The following TSHZ2 variants were observed in gnomAD, a reference collection of about 807,000 sequenced individuals.
TSHZ2 encodes the protein teashirt homolog 2.
Under a neutral mutation model 74.4 loss-of-function variants are expected in TSHZ2, and 21 were observed. The observed-to-expected ratio is 0.28, with a 90% CI of 0.20 to 0.41. TSHZ2 has a LOEUF of 0.41. Among genes scored for constraint, TSHZ2 ranks in the 10% least tolerant of loss-of-function variants. The pLI, the probability that TSHZ2 is intolerant of heterozygous loss-of-function variation, is 1.00. For synonymous variants in TSHZ2, 540 were observed against 515.3 expected (o/e 1.05, Z -0.65); for missense variants, 1,244 against 1,293.5 (o/e 0.96, Z 0.59).
intron 2 of TSHZ2, among the ~76,000 whole-genome samples, chr20:53,483,107 A>AAAGAC (rs1986201035): frequency 1.3e-5 from 2 of 152,116 alleles, no homozygotes; most frequent in African/African-American, 4.8e-5. Context: ...AAGTTTTATA[A>AAAGAC]AAGACATAGT....
chr20:53,466,538 T>G (rs140361622), intron 2 of TSHZ2, among the ~76,000 whole-genome samples: 2 of 152,310 alleles, frequency 1.3e-5, no homozygotes, highest in African/African-American at 2.4e-5. Flanking sequence ...TATGGTGGTG[T>G]TTGCCAGCAT....
chr20:53,235,148 G>C (rs78940770), intron 1 of TSHZ2, among the ~76,000 whole-genome samples: 1,835 of 68,882 alleles, frequency 0.027, 64 homozygotes, highest in African/African-American at 0.095. Context: ...GGGGGGGGGG[G>C]AATGGGGGAG....
At chr20:53,416,445 C>G (rs1402421514) in intron 2 of TSHZ2, among the ~76,000 whole-genome samples, 1 of 152,214 alleles carries the variant, frequency 6.6e-6, no homozygotes, top group Non-Finnish European at 1.5e-5. Flanking sequence ...AGCTTGAGAG[C>G]TAGTTCTTCG....
At chr20:53,299,756 A>T (rs1440941611) in intron 2 of TSHZ2, among the ~76,000 whole-genome samples, 3 of 152,088 alleles carry the variant, frequency 2.0e-5, no homozygotes, top group Non-Finnish European at 4.4e-5. Context: ...CTAAGAATGT[A>T]ATTAGATGAC....
At position 53,255,765 on chromosome 20, in the gene TSHZ2, G is replaced by A; in HGVS notation, c.2307G>A (p.Lys769=). The change falls in exon 2 of 3, where the codon AAG becomes AAA. Residue 769 remains lysine, a synonymous_variant. Transcript: ENST00000371497. The surrounding 1 kb of genome is among the most constrained non-coding windows in gnomAD (Gnocchi z 4.1). ...ENSDQPIDLT[K]SKSKKAESSQ... Reference sequence around the variant, plus strand: ...GCGATCAGCCCATTGACCTGACCAAGTCCAAAAGCAAGAAAGCCGAGTCCT... The same window carrying A: ...GCGATCAGCCCATTGACCTGACCAAATCCAAAAGCAAGAAAGCCGAGTCCT... 1 of 1,613,986 alleles carries A rather than the reference G, an allele frequency of 6.2e-7. No individual in the cohort carries two copies. Among genetic ancestry groups the A allele is most frequent in the Non-Finnish European group, 8.5e-7 (1 of 1,179,966 alleles).
intron 1 of TSHZ2, among the ~76,000 whole-genome samples, chr20:53,186,757 T>C (rs1464410409): frequency 6.6e-6 from 1 of 152,072 alleles, no homozygotes; most frequent in African/African-American, 2.4e-5. Flanking sequence ...TCCACCTAAA[T>C]ACAACCACAC....
intron 1 of TSHZ2, among the ~76,000 whole-genome samples, chr20:53,027,766 G>GA (rs1028537700): frequency 4.0e-5 from 6 of 151,832 alleles, no homozygotes; most frequent in African/African-American, 1.2e-4. Flanking sequence ...CTCAAAAAAA[G>GA]AAAAAAATGT....
At chr20:53,122,723 A>G (rs1986845699) in intron 1 of TSHZ2, among the ~76,000 whole-genome samples, 1 of 152,112 alleles carries the variant, frequency 6.6e-6, no homozygotes, top group South Asian at 2.1e-4. Context: ...CTCTGGTATC[A>G]CGGCTACCTA....
intron 2 of TSHZ2, among the ~76,000 whole-genome samples, chr20:53,360,653 G>C: frequency 6.6e-6 from 1 of 152,282 alleles, no homozygotes; most frequent in Middle Eastern, 3.4e-3. Flanking sequence ...TGTGCTAAGC[G>C]TTTATGGGGA....
chr20:53,261,722 A>G (rs1048907102), intron 2 of TSHZ2, among the ~76,000 whole-genome samples: 1 of 152,184 alleles, frequency 6.6e-6, no homozygotes, highest in African/African-American at 2.4e-5. Flanking sequence ...ATTTACTCCA[A>G]TCTGCCATCA....
intron 2 of TSHZ2, among the ~76,000 whole-genome samples, chr20:53,360,487 G>T (rs920547079): frequency 1.3e-5 from 2 of 152,164 alleles, no homozygotes; most frequent in African/African-American, 4.8e-5. Flanking sequence ...AGCAGACAAG[G>T]TCTACTCTTG....
intron 1 of TSHZ2, among the ~76,000 whole-genome samples, chr20:53,031,001 G>C (rs1191319663): frequency 1.3e-5 from 2 of 152,080 alleles, no homozygotes; most frequent in Non-Finnish European, 2.9e-5. Context: ...CTGAATGTGG[G>C]CTTTATTTTT....
intron 1 of TSHZ2, among the ~76,000 whole-genome samples, chr20:53,157,204 A>T (rs1268560483): frequency 6.6e-6 from 1 of 152,178 alleles, no homozygotes; most frequent in Non-Finnish European, 1.5e-5. Context: ...AAATTTAGTA[A>T]TTCTAGGAAC....
chr20:53,001,205 CGTGT>C (rs558621179), intron 1 of TSHZ2, among the ~76,000 whole-genome samples: 8,299 of 94,034 alleles, frequency 0.088, 265 homozygotes, highest in African/African-American at 0.13. Flanking sequence ...CGTTCATGTG[CGTGT>C]GTGTGTGTGT....
intron 1 of TSHZ2, among the ~76,000 whole-genome samples, chr20:53,135,206 A>T (rs1332115630): frequency 6.6e-6 from 1 of 152,248 alleles, no homozygotes; most frequent in Middle Eastern, 3.4e-3. Flanking sequence ...ATGAACTTTC[A>T]TTCATGTATA....
chr20:53,109,351 G>A (rs749100833), intron 1 of TSHZ2, among the ~76,000 whole-genome samples: 3 of 151,928 alleles, frequency 2.0e-5, no homozygotes, highest in African/African-American at 7.3e-5. Context: ...TCTGTCTGTC[G>A]GTCTCTCCGC....
chr20:53,442,493 C>T (rs542107257), intron 2 of TSHZ2, among the ~76,000 whole-genome samples: 5 of 152,254 alleles, frequency 3.3e-5, no homozygotes, highest in Admixed American at 1.3e-4. Flanking sequence ...AGCCAGTGCA[C>T]GGATTCTATT....
At chr20:53,056,413 A>G (rs912993509) in intron 1 of TSHZ2, among the ~76,000 whole-genome samples, 7 of 152,218 alleles carry the variant, frequency 4.6e-5, no homozygotes, top group African/African-American at 1.7e-4. Context: ...ATCGCAGTCT[A>G]TTGATTCTGT....
chr20:53,140,674 A>G (rs766704674), intron 1 of TSHZ2, among the ~76,000 whole-genome samples: 9 of 152,004 alleles, frequency 5.9e-5, no homozygotes, highest in African/African-American at 2.2e-4. Context: ...CAGGTACCCA[A>G]CCAGATCTGT....
Sources: gnomAD v4.1 joint callset for allele counts (sites outside exome capture counted in the v4.1 genomes callset) on GRCh38, gnomAD v4.1.1 for gene constraint, Gnocchi (gnomAD v3.1) non-coding constraint, MANE v1.5 for transcripts, NCBI Gene and HGNC (gene_info 2026-07-23, HGNC 2026-07-21) for gene names.